TIMP2: variants seen among roughly 807,000 people sequenced by gnomAD.
TIMP2 encodes metalloproteinase inhibitor 2.
In TIMP2, 5 loss-of-function variants were observed where a neutral mutation model predicts 24.3. The ratio of observed to expected loss-of-function variants is 0.21; its 90% CI spans 0.11 to 0.43. TIMP2 has a LOEUF of 0.43. Among genes scored for constraint, TIMP2 ranks in the 20% least tolerant of loss-of-function variants. The pLI, the probability that TIMP2 is intolerant of heterozygous loss-of-function variation, is 1.00. For synonymous variants in TIMP2, 130 were observed against 123.2 expected (o/e 1.06, Z -0.37); for missense variants, 221 against 297.5 (o/e 0.74, Z 1.89).
chr17:78,881,970 TC>T (rs1294450526), intron 1 of TIMP2, among the ~76,000 whole-genome samples: 55 of 8,772 alleles, frequency 6.3e-3, no homozygotes, highest in Non-Finnish European at 0.016. Flanking sequence ...CTCCATATCC[TC>T]TTTTTTTTTT....
chr17:78,873,904 G>A lies in TIMP2; in HGVS notation c.146C>T (p.Ala49Val), dbSNP rs1435606592. 4.3e-6 allele frequency: 7 copies of A among 1,613,028 alleles called. No homozygotes were observed. The African/African-American group carries it at 5.3e-5, about 12-fold the overall frequency. Residue 49 changes from alanine (A) to valine (V), a missense_variant, in exon 2 of 5, where the codon GCG becomes GTG. Transcript: ENST00000262768. Reference protein sequence around the residue: ...CNADVVIRAKAVSEKEVDSGN... With the variant: ...CNADVVIRAKVVSEKEVDSGN... ...AGAGTCCACTTCCTTCTCACTGACC[G>A]CTTTGGCCCTGATCACTGCAAAACA...
At chr17:78,867,697 G>A (rs542110471) in intron 3 of TIMP2, among the ~76,000 whole-genome samples, 16 of 148,760 alleles carry the variant, frequency 1.1e-4, no homozygotes, top group Non-Finnish European at 2.2e-4. Context: ...CCGGGTTCAC[G>A]CCATTCTCCT....
intron 1 of TIMP2, among the ~76,000 whole-genome samples, chr17:78,892,708 G>A (rs1050356512): frequency 6.6e-6 from 1 of 152,236 alleles, no homozygotes; most frequent in Non-Finnish European, 1.5e-5. Context: ...GGGGACATTG[G>A]CAATGTCTGG....
chr17:78,873,032 T>C (rs1028558787), intron 2 of TIMP2, among the ~76,000 whole-genome samples: 14 of 152,242 alleles, frequency 9.2e-5, no homozygotes, highest in South Asian at 2.1e-4. Context: ...GGTTTCTCCA[T>C]GTTGGCCAGG....
chr17:78,890,678 T>C (rs1190202265), intron 1 of TIMP2: 1 of 1,550,530 alleles, frequency 6.4e-7, no homozygotes, highest in South Asian at 1.2e-5. Context: ...TTTCCGGGCT[T>C]CTTCAAGAAA....
At position 78,891,655 on chromosome 17, in the gene TIMP2, C is replaced by T. The variant is rs1343741381; in HGVS notation, c.131-17736G>A. 6.4e-7 allele frequency: 1 copy of T among 1,550,940 alleles called. No individual in the cohort carries two copies. The highest frequency in any genetic ancestry group is 2.0e-5 in the Admixed American group (1 of 50,988). On this transcript the variant is annotated intron_variant, in intron 1 of 4. Transcript: ENST00000262768. This position sits in a 1 kb window ranked among gnomAD's most constrained non-coding sequence, Gnocchi z 4.5. ...GGGCTGGAACAAAGCAAACTGCCCC[C>T]TTTCCCAGTTGCCTCCTCCCCGCCC...
In TIMP2 at chr17:78,895,007, G is replaced by A. The variant is rs192483960; in HGVS notation, c.131-21088C>T. On this transcript the variant is annotated intron_variant, in intron 1 of 4. Transcript: ENST00000262768. ...GAAAATCAGCAAAAGAAGGACAGGT[G>A]TGGCAGCTCACACCTGTAATCCCAG... Among the ~76,000 whole-genome samples the A allele has an allele frequency of 1.5e-3, 229 of 152,300 alleles. 1 individual carries two copies. The highest frequency in any genetic ancestry group is 5.3e-3 in the African/African-American group (219 of 41,562).
At chr17:78,879,181 C>T (rs1376469516) in intron 1 of TIMP2, among the ~76,000 whole-genome samples, 2 of 152,174 alleles carry the variant, frequency 1.3e-5, no homozygotes, top group African/African-American at 2.4e-5. Context: ...CCAATCCAGG[C>T]AAGATGACAG....
chr17:78,858,908 G>C (rs959963502), intron 3 of TIMP2, among the ~76,000 whole-genome samples: 1 of 152,128 alleles, frequency 6.6e-6, no homozygotes, highest in African/African-American at 2.4e-5. Flanking sequence ...GTCTTGAACT[G>C]AGCTTAAGTG....
At chr17:78,919,923 G>A (rs879630141) in intron 1 of TIMP2, among the ~76,000 whole-genome samples, 76 of 152,264 alleles carry the variant, frequency 5.0e-4, no homozygotes, top group African/African-American at 1.5e-3. Context: ...TGCACCGGGG[G>A]ACAGAGAGAG....
chr17:78,919,303 A>G (rs2070290191), intron 1 of TIMP2, among the ~76,000 whole-genome samples: 1 of 152,146 alleles, frequency 6.6e-6, no homozygotes, highest in Non-Finnish European at 1.5e-5. Flanking sequence ...CAGAGCCGTG[A>G]CATTTGGCCC....
intron 1 of TIMP2, among the ~76,000 whole-genome samples, chr17:78,876,890 C>T (rs2069732850): frequency 7.6e-6 from 1 of 130,938 alleles, no homozygotes; most frequent in African/African-American, 3.0e-5. Flanking sequence ...AACTTTTCTT[C>T]ATTCTTCAAG....
intron 3 of TIMP2, among the ~76,000 whole-genome samples, chr17:78,864,773 C>T (rs969902581): frequency 3.9e-5 from 6 of 152,028 alleles, no homozygotes; most frequent in Non-Finnish European, 5.9e-5. Context: ...ATCTACCAGC[C>T]GGGTGCAGTG....
intron 1 of TIMP2, among the ~76,000 whole-genome samples, chr17:78,893,459 G>C (rs2069948505): frequency 6.7e-6 from 1 of 150,372 alleles, no homozygotes; most frequent in Admixed American, 6.6e-5. Flanking sequence ...GTGTGTGCAG[G>C]GGTGTGTGTG....
In TIMP2 at chr17:78,888,627, T is replaced by C. The variant is rs1322072991; in HGVS notation, c.131-14708A>G. Among the ~76,000 whole-genome samples, 4 of 152,278 alleles carry C rather than the reference T, an allele frequency of 2.6e-5. No individual in the cohort carries two copies. The South Asian group carries it at 6.2e-4, about 24-fold the overall frequency. On this transcript the variant is annotated intron_variant, in intron 1 of 4. Coordinates refer to ENST00000262768, the MANE Select transcript of TIMP2 (RefSeq NM_003255.5). The stretch of plus-strand genomic sequence containing the variant: ...GCCGCTATGCTCAGCTAATTTTTTA[T>C]TTTTTGTAGGATAGGGTCTCCCCAT...
chr17:78,918,065 A>AACACACACAC (rs57256110), intron 1 of TIMP2, among the ~76,000 whole-genome samples: 2,550 of 144,806 alleles, frequency 0.018, 59 homozygotes, highest in African/African-American at 0.05. Flanking sequence ...TGCACACACA[A>AACACACACAC]ACACACACAC....
intron 1 of TIMP2, among the ~76,000 whole-genome samples, chr17:78,884,823 T>C (rs1226279707): frequency 6.6e-6 from 1 of 152,224 alleles, no homozygotes; most frequent in African/African-American, 2.4e-5. Context: ...GAGGGTGCTC[T>C]ACCCACCCGT....
intron 2 of TIMP2, among the ~76,000 whole-genome samples, chr17:78,872,938 C>T (rs769992078): frequency 5.5e-4 from 84 of 152,050 alleles, no homozygotes; most frequent in Middle Eastern, 3.4e-3. Flanking sequence ...TAAGTGTTCT[C>T]CTGCCTCAGC....
intron 1 of TIMP2, among the ~76,000 whole-genome samples, chr17:78,907,857 G>A (rs2070175175): frequency 6.6e-6 from 1 of 152,232 alleles, no homozygotes; most frequent in Admixed American, 6.5e-5. Flanking sequence ...GTTCTGGCCA[G>A]GTGTGGTGGC....
Sources: allele counts gnomAD v4.1 joint callset (sites outside exome capture counted in the v4.1 genomes callset), GRCh38; gene constraint gnomAD v4.1.1; non-coding constraint Gnocchi (gnomAD v3.1); transcripts MANE v1.5; gene names NCBI Gene and HGNC (gene_info 2026-07-23, HGNC 2026-07-21).